The following TMEM175 variants were observed in gnomAD, a reference collection of about 807,000 sequenced individuals.
TMEM175 encodes transmembrane protein 175.
TMEM175 carries 36 observed loss-of-function variants against 36.5 expected under a neutral mutation model. The observed-to-expected ratio is 0.99, with a 90% CI of 0.76 to 1.30. The LOEUF (loss-of-function observed/expected upper bound fraction) is 1.30. Among genes scored for constraint, TMEM175 ranks in the 50% most tolerant of loss-of-function variants. The pLI is 0.00. For missense variants in TMEM175, 705 were observed against 692.8 expected, an observed-to-expected ratio of 1.02 and a Z score of -0.20; for synonymous variants, 339 against 313.4, an observed-to-expected ratio of 1.08 and a Z score of -0.86.
At chr4:939,710 C>A (rs192446543) in intron 1 of TMEM175, among the ~76,000 whole-genome samples, 1 of 151,828 alleles carries the variant, frequency 6.6e-6, no homozygotes, top group Non-Finnish European at 1.5e-5. Context: ...AGTGAGACTC[C>A]GCCTCAAAAA....
rs568927031 is a variant in TMEM175 at position 944,272 on chromosome 4, G to A, written c.-31-3437G>A. On this transcript the variant is annotated intron_variant, in intron 1 of 10. Transcript: ENST00000264771. Reference sequence around the variant, plus strand: ...CGTGCCACTGCAATCCAGCCTGGGCGACAGAGCAAGACTGTCTCAAAAAAA... The same window carrying A: ...CGTGCCACTGCAATCCAGCCTGGGCAACAGAGCAAGACTGTCTCAAAAAAA... Among the ~76,000 whole-genome samples, 603 of 152,274 alleles carry A rather than the reference G, an allele frequency of 4.0e-3. 3 individuals are homozygous for A. Among genetic ancestry groups the A allele is most frequent in the Non-Finnish European group, 6.3e-3 (428 of 68,034 alleles).
At chr4:954,839 T>G (rs1367850764) in intron 8 of TMEM175, among the ~76,000 whole-genome samples, 1 of 152,210 alleles carries the variant, frequency 6.6e-6, no homozygotes, top group African/African-American at 2.4e-5. Context: ...TCCTAGTGGA[T>G]ATGAAGAATC....
At chr4:934,633 CGGCACCCTTAGCTCCAGGGA>C (rs751422067) in intron 1 of TMEM175, among the ~76,000 whole-genome samples, 1 of 152,140 alleles carries the variant, frequency 6.6e-6, no homozygotes, top group Non-Finnish European at 1.5e-5. Flanking sequence ...CCAACAAATT[CGGCACCCTTAGCTCCAGGGA>C]GCTACAAGGG....
intron 1 of TMEM175, among the ~76,000 whole-genome samples, chr4:945,493 T>C (rs1443409225): frequency 6.6e-6 from 1 of 152,148 alleles, no homozygotes; most frequent in East Asian, 1.9e-4. Context: ...CTCCGTTTCA[T>C]TTGCACCTCC....
At chr4:937,052 A>C (rs1291368523) in intron 1 of TMEM175, among the ~76,000 whole-genome samples, 1 of 152,044 alleles carries the variant, frequency 6.6e-6, no homozygotes, top group East Asian at 1.9e-4. Context: ...TTATCTAACC[A>C]TCTTTTTTTT....
At chr4:952,122 G>A (rs893647336) in intron 6 of TMEM175, 53 of 597,014 alleles carry the variant, frequency 8.9e-5, no homozygotes, top group Admixed American at 1.8e-4. Context: ...ACTGGGGTCT[G>A]GGGAATTCCG....
intron 1 of TMEM175, among the ~76,000 whole-genome samples, chr4:940,640 G>T (rs913839031): frequency 1.3e-5 from 2 of 152,066 alleles, no homozygotes; most frequent in Non-Finnish European, 2.9e-5. Flanking sequence ...TATGGACTTA[G>T]GTTAATTGTG....
intron 10 of TMEM175, 40 bp from the exon 11 acceptor site, chr4:957,783 AC>A: frequency 6.4e-7 from 1 of 1,553,344 alleles, no homozygotes; most frequent in Non-Finnish European, 8.7e-7. Flanking sequence ...CTGTGTGGCC[AC>A]GGCAAGGCCG....
At chr4:945,386 C>T (rs1051163965) in intron 1 of TMEM175, among the ~76,000 whole-genome samples, 1 of 152,212 alleles carries the variant, frequency 6.6e-6, no homozygotes. Flanking sequence ...TCTCACTCCC[C>T]GCCGTCTGTC....
chr4:941,729 C>T (rs563442338), intron 1 of TMEM175, among the ~76,000 whole-genome samples: 1 of 152,028 alleles, frequency 6.6e-6, no homozygotes, highest in Non-Finnish European at 1.5e-5. Context: ...AGCCACCGCG[C>T]CCGGCCTCTG....
chr4:934,085 C>T (rs546066964), intron 1 of TMEM175, among the ~76,000 whole-genome samples: 1 of 152,246 alleles, frequency 6.6e-6, no homozygotes, highest in East Asian at 1.9e-4. Context: ...GATACAACTG[C>T]AATTCAACGC....
intron 1 of TMEM175, among the ~76,000 whole-genome samples, chr4:942,622 G>A (rs532245887): frequency 6.0e-5 from 9 of 149,694 alleles, no homozygotes; most frequent in African/African-American, 1.2e-4. Flanking sequence ...GGCTGTTAAG[G>A]TTCCTTGAAT....
chr4:948,132 A>C lies in TMEM175; in HGVS notation c.170A>C (p.His57Pro). The change falls in exon 3 of 11, where the codon CAC becomes CCC. Residue 57 changes from histidine (H) to proline (P), a missense_variant. Transcript: ENST00000264771. ...CCCCCTCAGATCCTGCCTGTGACCC[A>C]CACGGAGATCTCCCCAGAACAGGTA... is the stretch of plus-strand genomic sequence containing the variant. ...IATVMILPVTHTEISPEQQFD... is the reference protein window; with the variant it reads ...IATVMILPVTPTEISPEQQFD... 6.2e-7 allele frequency: 1 copy of C among 1,613,936 alleles called. No homozygotes were observed. The highest frequency in any genetic ancestry group is 8.5e-7 in the Non-Finnish European group (1 of 1,179,978).
chr4:951,589 C>A, intron 5 of TMEM175, 93 bp from the exon 6 acceptor site: 1 of 1,551,858 alleles, frequency 6.4e-7, no homozygotes, highest in South Asian at 1.1e-5. Flanking sequence ...TTGGGGAGGG[C>A]CCAGCCCTGT....
chr4:955,285 A>G, intron 8 of TMEM175, 120 bp from the exon 9 acceptor site: 1 of 724,832 alleles, frequency 1.4e-6, no homozygotes, highest in East Asian at 2.7e-5. Context: ...CATCAGATAC[A>G]TGATCTGCAA....
intron 1 of TMEM175, among the ~76,000 whole-genome samples, chr4:939,328 C>A (rs1027371902): frequency 1.3e-5 from 2 of 152,254 alleles, no homozygotes; most frequent in African/African-American, 4.8e-5. Context: ...CGCCTGTAAT[C>A]CTAGCACTTT....
rs746959232 is a variant in TMEM175, at chr4:958,216, G to A, written c.1235G>A (p.Gly412Asp). 3 of 1,602,128 alleles carry A rather than the reference G, an allele frequency of 1.9e-6. No individual in the cohort carries two copies. The highest frequency in any genetic ancestry group is 2.2e-5 in the East Asian group (1 of 44,710). ...AETLQPSVWFGGREHVLMFAK... is the reference protein window; with the variant it reads ...AETLQPSVWFDGREHVLMFAK... Reference sequence around the variant, plus strand: ...ACGCTGCAGCCCTCGGTGTGGTTTGGCGGCCGGGAGCATGTGCTCATGTTC... The same window carrying A: ...ACGCTGCAGCCCTCGGTGTGGTTTGACGGCCGGGAGCATGTGCTCATGTTC... Residue 412 changes from glycine to aspartate, a missense_variant, in exon 11 of 11, where the codon GGC (glycine) becomes GAC (aspartate). Physicochemically the swap from Gly to Asp is moderately conservative, Grantham distance 94. Coordinates refer to ENST00000264771, the MANE Select transcript of TMEM175 (RefSeq NM_032326.4).
At position 953,247 on chromosome 4, in the gene TMEM175, C is replaced by G. The variant is rs148458812; in HGVS notation, c.520C>G (p.Arg174Gly). Residue 174 changes from arginine to glycine, a missense_variant, in exon 8 of 11, where the codon CGC (arginine) becomes GGC (glycine). Transcript: ENST00000264771. ...GCACCTGCTGAGCCCGCAGATCCAG[C>G]GCTCTGCCCACAGGGCTCTGTACCG... ...FPHLLSPQIQRSAHRALYRRH... is the reference protein window; with the variant it reads ...FPHLLSPQIQGSAHRALYRRH... 6.2e-7 allele frequency: 1 copy of G among 1,613,828 alleles called. No individual in the cohort carries two copies. Among genetic ancestry groups the G allele is most frequent in the East Asian group, 2.2e-5 (1 of 44,874 alleles).
At chr4:943,790 C>A (rs918754173) in intron 1 of TMEM175, among the ~76,000 whole-genome samples, 1 of 152,182 alleles carries the variant, frequency 6.6e-6, no homozygotes, top group South Asian at 2.1e-4. Flanking sequence ...TATATAGTGG[C>A]TTTATTCATA....
Sources: allele counts gnomAD v4.1 joint callset (sites outside exome capture counted in the v4.1 genomes callset), GRCh38; gene constraint gnomAD v4.1.1; transcripts MANE v1.5; gene names NCBI Gene and HGNC (gene_info 2026-07-23, HGNC 2026-07-21).